The following CDC25A variants were observed in gnomAD, a reference collection of about 807,000 sequenced individuals.
CDC25A encodes cell division cycle 25A.
CDC25A carries 17 observed loss-of-function variants against 64.6 expected under a neutral mutation model. The observed-to-expected ratio is 0.26, with a 90% CI of 0.18 to 0.39. The LOEUF is 0.39. Ranked by LOEUF, CDC25A falls within the 10% of genes least tolerant of loss-of-function variation. The probability of loss-of-function intolerance (pLI) is 1.00; values close to 1 mark genes in which losing one functional copy is unlikely to be tolerated. For synonymous variants in CDC25A, 229 were observed against 238.6 expected (o/e 0.96, Z 0.37); for missense variants, 473 against 654.8 (o/e 0.72, Z 3.03).
intron 6 of CDC25A, among the ~76,000 whole-genome samples, chr3:48,179,142 T>G (rs1407087224): frequency 6.6e-6 from 1 of 152,170 alleles, no homozygotes; most frequent in Non-Finnish European, 1.5e-5. Context: ...CAGTCTCTAG[T>G]CCTCCCCAAG....
chr3:48,183,098 A>C, intron 4 of CDC25A, 68 bp from the exon 5 acceptor site: 2 of 1,058,512 alleles, frequency 1.9e-6, no homozygotes. Flanking sequence ...TTCAGTTCTC[A>C]AAAGAAAAAA....
rs749272262 is a variant in CDC25A at position 48,180,780 on chromosome 3, C to T, written c.490G>A (p.Gly164Arg). 5 of 1,613,832 alleles carry T rather than the reference C, an allele frequency of 3.1e-6. No homozygotes were observed. Among genetic ancestry groups the T allele is most frequent in the Non-Finnish European group, 4.2e-6 (5 of 1,179,862 alleles). The change falls in exon 6 of 15, where the codon GGA (glycine) becomes AGA (arginine). Residue 164 changes from glycine to arginine, a missense_variant. This residue lies in a region of CDC25A where 376 missense variants were observed against 431.9 expected (regional missense o/e 0.87). Coordinates refer to ENST00000302506, the MANE Select transcript of CDC25A (RefSeq NM_001789.3). ...AAGAGATCTTTACCCTCCTGGAGTC[C>T]ATGAGAGTGCAGGCAGCCACGAGAT... ...PVSRGCLHSH[G>R]LQEGKDLFTQ...
At chr3:48,167,741 TG>T (rs1417346437) in intron 10 of CDC25A, 104 bp downstream of exon 10, 4 of 691,752 alleles carry the variant, frequency 5.8e-6, no homozygotes, top group East Asian at 2.5e-5. Context: ...TGTGTCCTTT[TG>T]GAGGTATGCC....
intron 2 of CDC25A, among the ~76,000 whole-genome samples, chr3:48,185,739 GA>G (rs1249514277): frequency 6.6e-6 from 1 of 152,176 alleles, no homozygotes; most frequent in Non-Finnish European, 1.5e-5. Flanking sequence ...GGGTGAAGGA[GA>G]CACTGTTCAG....
chr3:48,171,232 A>G (rs2106719274), intron 9 of CDC25A, among the ~76,000 whole-genome samples: 1 of 151,856 alleles, frequency 6.6e-6, no homozygotes, highest in East Asian at 2.0e-4. Flanking sequence ...AAAATTAGCC[A>G]GGCGTGGCAG....
intron 6 of CDC25A, chr3:48,180,444 C>A: frequency 1.0e-5 from 3 of 297,510 alleles, no homozygotes; most frequent in East Asian, 5.8e-5. Context: ...TCCCACCATA[C>A]ATACATTTAG....
intron 4 of CDC25A, among the ~76,000 whole-genome samples, chr3:48,183,428 C>G (rs1189095343): frequency 6.6e-6 from 1 of 152,216 alleles, no homozygotes; most frequent in Non-Finnish European, 1.5e-5. Flanking sequence ...GGAATAGTGG[C>G]TCTTGCCTAT....
At chr3:48,166,600 G>A (rs776204412) in intron 10 of CDC25A, among the ~76,000 whole-genome samples, 12 of 152,294 alleles carry the variant, frequency 7.9e-5, no homozygotes, top group Admixed American at 2.0e-4. Context: ...AGGCACTGGG[G>A]ATAGGAAAAA....
At position 48,165,900 on chromosome 3, in the gene CDC25A, A is replaced by C; in HGVS notation, c.1030-7T>G. 1 of 1,525,132 alleles carries C rather than the reference A, an allele frequency of 6.6e-7. No homozygotes were observed. The highest frequency in any genetic ancestry group is 9.1e-7 in the Non-Finnish European group (1 of 1,099,452). 94.5% of individuals were successfully genotyped at this position (1,525,132 alleles called of 1,614,324 possible). On this transcript the variant is annotated splice_polypyrimidine_tract_variant and splice_region_variant and intron_variant, in intron 10 of 14. Coordinates refer to ENST00000302506, the MANE Select transcript of CDC25A (RefSeq NM_001789.3). ...CTGTATGAAAGAGATAACCCTTAAA[A>C]AGAAAAAAAGATACTTAGAGAATCT... is the stretch of plus-strand genomic sequence containing the variant.
In CDC25A at chr3:48,187,782, C is replaced by T; in HGVS notation, c.166G>A (p.Gly56Ser). ...CGCCCGCCGGTCTCTCCTTACCTGC[C>T]CAGACCCTGCAGCTGGTCCATAGTG... ...TVTMDQLQGL[G>S]SDYEQPLEVK... Residue 56 changes from glycine (G) to serine (S), a missense_variant, in exon 1 of 15, where the codon GGC becomes AGC. Physicochemically the swap from Gly to Ser is moderately conservative, Grantham distance 56 (BLOSUM62 0). Transcript: ENST00000302506. The T allele has an allele frequency of 6.5e-7, 1 of 1,545,470 alleles. No individual in the cohort carries two copies. The highest frequency in any genetic ancestry group is 1.4e-5 in the African/African-American group (1 of 72,102).
chr3:48,174,606 C>T (rs972014655), intron 8 of CDC25A, 149 bp from the exon 9 acceptor site: 1 of 685,784 alleles, frequency 1.5e-6, no homozygotes, highest in Non-Finnish European at 2.4e-6. Flanking sequence ...GTCCTAGCAA[C>T]TCTCACAGGG....
chr3:48,178,472 T>A (rs949697802), intron 6 of CDC25A, among the ~76,000 whole-genome samples: 1 of 152,240 alleles, frequency 6.6e-6, no homozygotes, highest in Non-Finnish European at 1.5e-5. Flanking sequence ...TCTATCCTCG[T>A]TCTTTAGACT....
At chr3:48,167,768 G>A (rs2106707063) in intron 10 of CDC25A, 78 bp downstream of exon 10, 2 of 804,754 alleles carry the variant, frequency 2.5e-6, no homozygotes, top group South Asian at 1.4e-5. Context: ...CCACCCTGGG[G>A]AGGGAGACAG....
intron 9 of CDC25A, among the ~76,000 whole-genome samples, chr3:48,172,440 C>T (rs1391508406): frequency 6.6e-6 from 1 of 152,146 alleles, no homozygotes; most frequent in African/African-American, 2.4e-5. Flanking sequence ...TAATACCAAA[C>T]CTCAATATAA....
At chr3:48,177,500 A>T in intron 7 of CDC25A, 58 bp from the exon 8 acceptor site, 1 of 1,335,476 alleles carries the variant, frequency 7.5e-7, no homozygotes, top group Non-Finnish European at 1.1e-6. Context: ...CATTTGTTTA[A>T]GTGCTTTAGG....
At position 48,170,915 on chromosome 3, in the gene CDC25A, C is replaced by T. The variant is rs1176387634; in HGVS notation, c.931-2971G>A. 2.0e-5 allele frequency among the ~76,000 whole-genome samples: 3 copies of T among 152,000 alleles called. No homozygotes were observed. The South Asian group carries it at 6.2e-4, about 32-fold the overall frequency. ...GTACTCTAGCAATGCTTGACATTTT[C>T]TCCACAATGGAATTTAAAATACTAA... is the stretch of plus-strand genomic sequence containing the variant. On this transcript the variant is annotated intron_variant, in intron 9 of 14. Coordinates refer to ENST00000302506, the MANE Select transcript of CDC25A (RefSeq NM_001789.3).
intron 13 of CDC25A, among the ~76,000 whole-genome samples, 170 bp downstream of exon 13, chr3:48,164,137 G>A (rs537969984): frequency 2.1e-4 from 32 of 152,294 alleles, no homozygotes. Flanking sequence ...GGGGAGACTG[G>A]AAGAGCCAAA....
intron 9 of CDC25A, 49 bp from the exon 10 acceptor site, chr3:48,167,993 T>C (rs2032100124): frequency 1.8e-6 from 2 of 1,129,194 alleles, no homozygotes; most frequent in African/African-American, 3.0e-5. Context: ...TGAATGGAAC[T>C]TCCGAAAACA....
chr3:48,159,557 C>T (rs1162171479), intron 13 of CDC25A, 102 bp from the exon 14 acceptor site: 6 of 728,386 alleles, frequency 8.2e-6, no homozygotes, highest in Non-Finnish European at 1.5e-5. Context: ...CCCTTATACA[C>T]ATCTTCCCAA....
Sources: allele counts gnomAD v4.1 joint callset (sites outside exome capture counted in the v4.1 genomes callset), GRCh38; gene constraint gnomAD v4.1.1; regional missense constraint gnomAD v4.1.1; transcripts MANE v1.5; gene names NCBI Gene and HGNC (gene_info 2026-07-23, HGNC 2026-07-21).